OTUD7B: variants seen among roughly 807,000 people sequenced by gnomAD.
OTUD7B encodes OTU domain-containing protein 7B.
Under a neutral mutation model 82.2 loss-of-function variants are expected in OTUD7B, and 34 were observed. The ratio of observed to expected loss-of-function variants is 0.41; its 90% CI spans 0.31 to 0.55. The LOEUF is 0.55. Among genes scored for constraint, OTUD7B ranks in the 20% least tolerant of loss-of-function variants. The pLI, the probability that OTUD7B is intolerant of heterozygous loss-of-function variation, is 0.20. For synonymous variants in OTUD7B, 398 were observed against 402.7 expected, an observed-to-expected ratio of 0.99 and a Z score of 0.14; for missense variants, 944 against 1,062.1, an observed-to-expected ratio of 0.89 and a Z score of 1.55.
At chr1:149,983,147 G>A (rs934273156) in intron 1 of OTUD7B, among the ~76,000 whole-genome samples, 16 of 152,114 alleles carry the variant, frequency 1.1e-4, no homozygotes, top group South Asian at 2.1e-4. Flanking sequence ...GAGCCACTGC[G>A]CCCGGCCTCC....
intron 2 of OTUD7B, among the ~76,000 whole-genome samples, chr1:149,975,833 C>T (rs1007992866): frequency 2.0e-5 from 3 of 151,986 alleles, no homozygotes; most frequent in Admixed American, 6.6e-5. Flanking sequence ...CCAGCCTGGC[C>T]AGCATTGTGA....
rs1553777512 is a variant in OTUD7B, at chr1:149,971,077, T to C, written c.260A>G (p.Asp87Gly). ...CACCCCAGTACCTTGAACGATGTCA[T>C]CCTGCCGCTGGAGGATGGGTCGGGG... ...RPPRPILQRQ[D>G]DIVQEKRLSR... is the part of the protein sequence containing the mutation. The change falls in exon 3 of 12, where the codon GAT (aspartate) becomes GGT (glycine). Residue 87 changes from aspartate to glycine, a missense_variant. Around this residue, in one of 3 missense-constraint regions of OTUD7B, gnomAD observed 530 missense variants for 625.6 expected, o/e 0.85. Transcript: ENST00000581312. 2.5e-6 allele frequency: 4 copies of C among 1,607,822 alleles called. No homozygotes were observed. Among genetic ancestry groups the C allele is most frequent in the Non-Finnish European group, 3.4e-6 (4 of 1,175,470 alleles).
At chr1:150,061,766 G>A in the OTUD7B span, among the ~76,000 whole-genome samples, 5 of 152,130 alleles carry the variant, frequency 3.3e-5, no homozygotes, top group African/African-American at 1.2e-4. Context: ...GACTAACCCC[G>A]AGTCTGGGAA....
At chr1:150,067,573 G>A in the OTUD7B span, 1 of 431,630 alleles carries the variant, frequency 2.3e-6, no homozygotes, top group Admixed American at 4.1e-5. Flanking sequence ...ATAGGGGTCT[G>A]AGAGTCCGGG....
At chr1:150,067,375 G>C in the OTUD7B span, 1 of 154,976 alleles carries the variant, frequency 6.5e-6, no homozygotes, top group African/African-American at 2.4e-5. Context: ...AAGCGGCCGG[G>C]AGCATTATGC....
At chr1:150,054,066 C>T in the OTUD7B span, 5 of 373,170 alleles carry the variant, frequency 1.3e-5, no homozygotes, top group Admixed American at 3.6e-5. Flanking sequence ...AGAAAGGCCA[C>T]GTGCAAGAGG....
chr1:150,045,029 T>C, the OTUD7B span, among the ~76,000 whole-genome samples: 1 of 151,926 alleles, frequency 6.6e-6, no homozygotes, highest in Non-Finnish European at 1.5e-5. Context: ...ATAATACCAA[T>C]AATTATTAGA....
At chr1:149,961,909 A>C (rs1259284878) in intron 6 of OTUD7B, 1 of 152,204 alleles carries the variant, frequency 6.6e-6, no homozygotes, top group Admixed American at 6.5e-5. Context: ...AAGGGAAATA[A>C]GTTTAACTTA....
chr1:149,954,691 TTGG>T (rs1260488005), intron 7 of OTUD7B, among the ~76,000 whole-genome samples: 1 of 152,150 alleles, frequency 6.6e-6, no homozygotes, highest in Admixed American at 6.6e-5. Context: ...CTTTTTATGG[TTGG>T]TATGCTATTA....
At chr1:149,996,875 TAGA>T (rs1420466124) in intron 1 of OTUD7B, among the ~76,000 whole-genome samples, 2 of 152,162 alleles carry the variant, frequency 1.3e-5, no homozygotes, top group Admixed American at 1.3e-4. Context: ...AGCCAAGCAT[TAGA>T]AGATGTTTAT....
intron 10 of OTUD7B, among the ~76,000 whole-genome samples, chr1:149,948,701 G>C (rs782228205): frequency 6.6e-6 from 1 of 152,096 alleles, no homozygotes; most frequent in Non-Finnish European, 1.5e-5. Flanking sequence ...CAATGTTTTA[G>C]AGATGAATCA....
intron 1 of OTUD7B, among the ~76,000 whole-genome samples, chr1:150,004,729 A>G (rs1652546574): frequency 6.6e-6 from 1 of 151,912 alleles, no homozygotes; most frequent in African/African-American, 2.4e-5. Context: ...TAGTCTCCTC[A>G]CCGCCCCAAG....
the OTUD7B span, among the ~76,000 whole-genome samples, chr1:150,040,936 G>A: frequency 4.0e-5 from 6 of 151,788 alleles, no homozygotes; most frequent in Admixed American, 3.9e-4. Flanking sequence ...TCTCAAATTT[G>A]TGACTTCAAG....
chr1:149,954,150 T>C (rs901572923), intron 7 of OTUD7B, among the ~76,000 whole-genome samples: 9 of 152,338 alleles, frequency 5.9e-5, no homozygotes, highest in African/African-American at 2.2e-4. Context: ...TGCTTCCAGT[T>C]TCTGCCCATT....
chr1:150,040,466 T>C, the OTUD7B span, among the ~76,000 whole-genome samples: 1 of 152,222 alleles, frequency 6.6e-6, no homozygotes, highest in Non-Finnish European at 1.5e-5. Flanking sequence ...GTTGTTGAAT[T>C]AAAATTGCTA....
Position 149,967,514 on chromosome 1 carries a change from G to C in OTUD7B, c.282C>G (p.Arg94=), listed in dbSNP as rs1553776899. 2 of 1,594,050 alleles carry C rather than the reference G, an allele frequency of 1.3e-6. No homozygotes were observed. Among genetic ancestry groups the C allele is most frequent in the Admixed American group, 3.5e-5 (2 of 57,272 alleles). The change falls in exon 4 of 12, where the codon CGC becomes CGG. Residue 94 remains arginine, a synonymous_variant. Transcript: ENST00000581312. ...QRQDDIVQEK[R]LSRGISHASS... ...TGGCGTGGGAGATGCCCCTAGACAGGCGTTTTTCTGCAATGAGAAATGGAG... is the reference window on the plus strand; with the variant it reads ...TGGCGTGGGAGATGCCCCTAGACAGCCGTTTTTCTGCAATGAGAAATGGAG...
the OTUD7B span, among the ~76,000 whole-genome samples, chr1:150,036,416 C>T: frequency 6.6e-6 from 1 of 152,004 alleles, no homozygotes; most frequent in Non-Finnish European, 1.5e-5. Context: ...TGTGCCACCA[C>T]ACTCAACTAA....
At chr1:149,947,375 A>G (rs1553772397) in intron 10 of OTUD7B, 40 bp from the exon 11 acceptor site, 2 of 1,221,832 alleles carry the variant, frequency 1.6e-6, no homozygotes, top group African/African-American at 3.0e-5. Flanking sequence ...TCACCTTTTA[A>G]AAGCAAAGCA....
At chr1:149,964,480 C>A in intron 5 of OTUD7B, 131 bp from the exon 6 acceptor site, 1 of 741,478 alleles carries the variant, frequency 1.3e-6, no homozygotes, top group South Asian at 1.8e-5. Context: ...GACCCCCCTG[C>A]CTTACCCTCC....
Sources: allele counts gnomAD v4.1 joint callset (sites outside exome capture counted in the v4.1 genomes callset), GRCh38; gene constraint gnomAD v4.1.1; regional missense constraint gnomAD v4.1.1; transcripts MANE v1.5; gene names NCBI Gene and HGNC (gene_info 2026-07-23, HGNC 2026-07-21).